The following PARD3B variants were observed in gnomAD, a reference collection of about 807,000 sequenced individuals.
PARD3B encodes the protein partitioning defective 3 homolog B.
A neutral mutation model predicts 130.2 loss-of-function variants in PARD3B; 103 were observed. The ratio of observed to expected loss-of-function variants is 0.79; its 90% CI spans 0.67 to 0.93. PARD3B has a LOEUF of 0.93. Ranked by LOEUF, PARD3B falls within the 40% of genes least tolerant of loss-of-function variation. The probability of loss-of-function intolerance (pLI) is 0.00; values close to 1 mark genes in which losing one functional copy is unlikely to be tolerated. For synonymous variants in PARD3B, 583 were observed against 553.2 expected, an observed-to-expected ratio of 1.05 and a Z score of -0.76; for missense variants, 1,609 against 1,499.2, an observed-to-expected ratio of 1.07 and a Z score of -1.21.
intron 3 of PARD3B, among the ~76,000 whole-genome samples, chr2:204,987,470 A>G (rs1693265215): frequency 6.6e-6 from 1 of 152,194 alleles, no homozygotes; most frequent in African/African-American, 2.4e-5. Flanking sequence ...TAAATTATAA[A>G]GATGATACAT....
At chr2:204,832,330 C>T (rs1014356762) in intron 2 of PARD3B, among the ~76,000 whole-genome samples, 3 of 151,730 alleles carry the variant, frequency 2.0e-5, no homozygotes, top group Non-Finnish European at 4.4e-5. Flanking sequence ...TTCATGCTTG[C>T]TTTTCTGTTT....
chr2:204,996,396 G>C (rs1002040541), intron 3 of PARD3B, among the ~76,000 whole-genome samples: 1 of 152,148 alleles, frequency 6.6e-6, no homozygotes, highest in Non-Finnish European at 1.5e-5. Flanking sequence ...GCTGCTCAGG[G>C]GTCAGGGGTC....
intron 1 of PARD3B, among the ~76,000 whole-genome samples, chr2:204,613,390 G>A (rs1449300624): frequency 6.6e-6 from 1 of 152,092 alleles, no homozygotes; most frequent in African/African-American, 2.4e-5. Context: ...CATGATGTCT[G>A]TGGGTTTTTA....
intron 15 of PARD3B, among the ~76,000 whole-genome samples, chr2:205,240,358 G>C (rs2039298094): frequency 6.6e-6 from 1 of 151,976 alleles, no homozygotes; most frequent in Admixed American, 6.6e-5. Context: ...AGTATTTATG[G>C]CCTCATTAGA....
chr2:205,307,686 C>T (rs1307533845), intron 18 of PARD3B, among the ~76,000 whole-genome samples: 1 of 152,092 alleles, frequency 6.6e-6, no homozygotes, highest in Non-Finnish European at 1.5e-5. Context: ...AAAATTTTAC[C>T]TTGTCTAAAG....
chr2:205,401,268 G>C, intron 19 of PARD3B, 145 bp downstream of exon 19: 1 of 607,706 alleles, frequency 1.6e-6, no homozygotes, highest in Non-Finnish European at 2.8e-6. Context: ...GATACAAAAA[G>C]AACCTCCCTT....
chr2:204,625,827 A>G (rs373767441), intron 1 of PARD3B, among the ~76,000 whole-genome samples: 2 of 152,184 alleles, frequency 1.3e-5, no homozygotes, highest in African/African-American at 4.8e-5. Context: ...TTTGGAAGAA[A>G]TAGGTGATGA....
At chr2:205,607,820 C>T in intron 22 of PARD3B, among the ~76,000 whole-genome samples, 1 of 122,402 alleles carries the variant, frequency 8.2e-6, no homozygotes, top group South Asian at 2.5e-4. Flanking sequence ...GGCCCTCTCC[C>T]CCAACACCCA....
intron 18 of PARD3B, among the ~76,000 whole-genome samples, chr2:205,324,677 A>C (rs1056814048): frequency 6.6e-6 from 1 of 152,034 alleles, no homozygotes; most frequent in Admixed American, 6.6e-5. Flanking sequence ...GCTTTCTGGC[A>C]GCTACTCCTA....
intron 18 of PARD3B, among the ~76,000 whole-genome samples, chr2:205,362,824 C>T (rs974551033): frequency 1.3e-5 from 2 of 152,176 alleles, no homozygotes; most frequent in African/African-American, 2.4e-5. Flanking sequence ...AATTAGAAGC[C>T]GGCTTGCCTG....
intron 2 of PARD3B, among the ~76,000 whole-genome samples, chr2:204,705,368 T>C (rs2038091966): frequency 1.3e-5 from 2 of 152,044 alleles, no homozygotes; most frequent in Non-Finnish European, 2.9e-5. Context: ...ACACACATAG[T>C]GGAGTAAAAG....
intron 4 of PARD3B, among the ~76,000 whole-genome samples, chr2:205,052,016 T>C (rs1575645949): frequency 6.6e-6 from 1 of 152,254 alleles, no homozygotes; most frequent in African/African-American, 2.4e-5. Context: ...AAACAGGATA[T>C]TTTGGTGAGA....
intron 4 of PARD3B, among the ~76,000 whole-genome samples, chr2:205,049,446 C>CT (rs1309559603): frequency 6.6e-6 from 1 of 152,154 alleles, no homozygotes. Flanking sequence ...GATCCAGTCA[C>CT]TTCCCACAGG....
intron 20 of PARD3B, among the ~76,000 whole-genome samples, chr2:205,450,832 C>T (rs2048075125): frequency 6.6e-6 from 1 of 152,152 alleles, no homozygotes; most frequent in African/African-American, 2.4e-5. Context: ...AGAGAGCATT[C>T]ATTACACACT....
chr2:205,386,431 G>A (rs2045662939), intron 18 of PARD3B, among the ~76,000 whole-genome samples: 1 of 152,098 alleles, frequency 6.6e-6, no homozygotes, highest in African/African-American at 2.4e-5. Flanking sequence ...TTAGCAATCT[G>A]ATCAAATCAG....
intron 1 of PARD3B, among the ~76,000 whole-genome samples, chr2:204,597,037 T>C (rs2033325904): frequency 6.6e-6 from 1 of 152,066 alleles, no homozygotes; most frequent in Non-Finnish European, 1.5e-5. Context: ...TTCGTATTTG[T>C]GGTCTCTAAA....
chr2:205,333,993 T>A (rs2043223850), intron 18 of PARD3B, among the ~76,000 whole-genome samples: 1 of 152,342 alleles, frequency 6.6e-6, no homozygotes, highest in Middle Eastern at 3.4e-3. Flanking sequence ...ATGGTCTTTA[T>A]TAGAAATTCC....
rs576177983 is a variant in PARD3B at position 205,369,622 on chromosome 2, T to G, written c.2631-31391T>G. 3.9e-5 allele frequency among the ~76,000 whole-genome samples: 6 copies of G among 152,320 alleles called. No homozygotes were observed. The East Asian group carries it at 1.2e-3, about 29-fold the overall frequency. Reference sequence around the variant, plus strand: ...AGAGTTAAAGAAAAATTTCTTCCCATTTTTCAAGACCCAGGTCAAGTCCTC... The same window carrying G: ...AGAGTTAAAGAAAAATTTCTTCCCAGTTTTCAAGACCCAGGTCAAGTCCTC... On this transcript the variant is annotated intron_variant, in intron 18 of 22. Transcript: ENST00000406610.
At chr2:204,797,110 G>A (rs2042401355) in intron 2 of PARD3B, among the ~76,000 whole-genome samples, 1 of 150,450 alleles carries the variant, frequency 6.6e-6, no homozygotes, top group Non-Finnish European at 1.5e-5. Flanking sequence ...AGGAGGTGGA[G>A]GTTATAGTGA....
Sources: gnomAD v4.1 joint callset for allele counts (sites outside exome capture counted in the v4.1 genomes callset) on GRCh38, gnomAD v4.1.1 for gene constraint, MANE v1.5 for transcripts, NCBI Gene and HGNC (gene_info 2026-07-23, HGNC 2026-07-21) for gene names.